TPTE: variants seen among roughly 807,000 people sequenced by gnomAD.
TPTE encodes putative tyrosine-protein phosphatase TPTE.
A neutral mutation model predicts 84.1 loss-of-function variants in TPTE; 59 were observed. The observed-to-expected ratio is 0.70, with a 90% CI of 0.57 to 0.87. The LOEUF is 0.87. Among genes scored for constraint, TPTE ranks in the 40% least tolerant of loss-of-function variants. TPTE has a pLI of 0.00. For missense variants in TPTE, 382 were observed against 659.6 expected, an observed-to-expected ratio of 0.58 and a Z score of 4.61; for synonymous variants, 130 against 223.5, an observed-to-expected ratio of 0.58 and a Z score of 3.73.
intron 8 of TPTE, among the ~76,000 whole-genome samples, chr21:10,553,000 A>T (rs1195570256): frequency 6.6e-6 from 1 of 152,298 alleles, no homozygotes; most frequent in Non-Finnish European, 1.5e-5. Flanking sequence ...TTAAAAAAAC[A>T]GGAATGCAGA....
intron 3 of TPTE, among the ~76,000 whole-genome samples, chr21:10,532,503 T>C (rs544232225): frequency 2.0e-5 from 3 of 152,422 alleles, no homozygotes; most frequent in East Asian, 1.9e-4. Context: ...CAGTGACTTA[T>C]GCTTACCTCC....
At chr21:10,561,800 T>C (rs1225904870) in intron 10 of TPTE, among the ~76,000 whole-genome samples, 2 of 152,310 alleles carry the variant, frequency 1.3e-5, no homozygotes, top group Non-Finnish European at 2.9e-5. Flanking sequence ...ACCTGTAGGC[T>C]AGGAGAACTT....
chr21:10,544,429 A>G (rs1230379325), intron 7 of TPTE, among the ~76,000 whole-genome samples: 1 of 152,310 alleles, frequency 6.6e-6, no homozygotes, highest in African/African-American at 2.4e-5. Flanking sequence ...CTGTTGCCCA[A>G]GCTGGCGTGC....
intron 17 of TPTE, among the ~76,000 whole-genome samples, chr21:10,582,641 TATTC>T (rs1487890504): frequency 6.6e-6 from 1 of 152,310 alleles, no homozygotes; most frequent in African/African-American, 2.4e-5. Flanking sequence ...TCTTTTCAAA[TATTC>T]ATTCCTGCAC....
intron 21 of TPTE, among the ~76,000 whole-genome samples, chr21:10,598,818 C>T (rs1170355039): frequency 1.3e-5 from 2 of 152,428 alleles, no homozygotes; most frequent in East Asian, 1.9e-4. Context: ...AGGCCTTTGT[C>T]TCAAATTCTC....
At position 10,569,668 on chromosome 21, in the gene TPTE, AT is replaced by A; in HGVS notation, c.667-11del. 2 of 1,614,016 alleles carry A rather than the reference AT, an allele frequency of 1.2e-6. No homozygotes were observed. The highest frequency in any genetic ancestry group is 1.7e-6 in the Non-Finnish European group (2 of 1,179,848). ...ATGAGTGTTTCACAAACTAATGACGATTTTAAACTGTCAGGTTTCAGAAAAC... is the reference window on the plus strand; with the variant it reads ...ATGAGTGTTTCACAAACTAATGACGATTTAAACTGTCAGGTTTCAGAAAAC... On this transcript the variant is annotated splice_polypyrimidine_tract_variant and intron_variant, in intron 12 of 23. Transcript: ENST00000618007.
At chr21:10,565,499 G>A (rs796388894) in intron 10 of TPTE, among the ~76,000 whole-genome samples, 2,714 of 151,164 alleles carry the variant, frequency 0.018, no homozygotes, top group African/African-American at 0.064. Flanking sequence ...AGAAATAGAA[G>A]AAACAATCTT....
At chr21:10,556,197 C>T (rs564685550) in intron 8 of TPTE, among the ~76,000 whole-genome samples, 6 of 152,422 alleles carry the variant, frequency 3.9e-5, no homozygotes, top group Non-Finnish European at 8.8e-5. Context: ...CCCCCATCCC[C>T]CCACCCCATG....
chr21:10,605,109 T>C (rs1480474026), intron 23 of TPTE, among the ~76,000 whole-genome samples: 17 of 152,260 alleles, frequency 1.1e-4, no homozygotes, highest in African/African-American at 3.9e-4. Flanking sequence ...CTTTCATTCA[T>C]GTCTATCCTG....
At chr21:10,568,586 C>T (rs1227742334) in intron 11 of TPTE, among the ~76,000 whole-genome samples, 33 of 152,352 alleles carry the variant, frequency 2.2e-4, no homozygotes, top group African/African-American at 7.9e-4. Context: ...CCCTAGCTTC[C>T]CTGGACTACA....
intron 1 of TPTE, among the ~76,000 whole-genome samples, chr21:10,522,885 T>A (rs1484369823): frequency 6.6e-6 from 1 of 152,310 alleles, no homozygotes; most frequent in Non-Finnish European, 1.5e-5. Context: ...ATATTCAAAA[T>A]CCTCTTTTCT....
At chr21:10,584,216 T>A (rs1442021182) in intron 17 of TPTE, among the ~76,000 whole-genome samples, 1 of 150,642 alleles carries the variant, frequency 6.6e-6, no homozygotes, top group Non-Finnish European at 1.5e-5. Context: ...ATTCTTAGAT[T>A]TTTTTTGTGG....
intron 17 of TPTE, among the ~76,000 whole-genome samples, chr21:10,583,120 T>A (rs2145747789): frequency 1.3e-5 from 2 of 152,406 alleles, no homozygotes; most frequent in African/African-American, 4.8e-5. Context: ...AAAATTGTTC[T>A]GTCTTAGGGT....
At chr21:10,574,070 A>T (rs1442387127) in intron 14 of TPTE, among the ~76,000 whole-genome samples, 5 of 152,306 alleles carry the variant, frequency 3.3e-5, no homozygotes, top group African/African-American at 1.2e-4. Context: ...GGATGCCATA[A>T]CCCAAAATGT....
chr21:10,596,394 G>T (rs1370703143), intron 20 of TPTE, among the ~76,000 whole-genome samples: 1 of 152,308 alleles, frequency 6.6e-6, no homozygotes, highest in Non-Finnish European at 1.5e-5. Flanking sequence ...GGCAGAGGGA[G>T]CCTCTGATGA....
At chr21:10,569,963 T>C (rs1408635470) in intron 13 of TPTE, among the ~76,000 whole-genome samples, 2 of 152,312 alleles carry the variant, frequency 1.3e-5, no homozygotes, top group African/African-American at 2.4e-5. Context: ...GCATAGGAAC[T>C]TGAATGGATT....
chr21:10,574,318 A>T, intron 14 of TPTE, among the ~76,000 whole-genome samples: 1 of 152,430 alleles, frequency 6.6e-6, no homozygotes, highest in Middle Eastern at 3.4e-3. Context: ...GTGTTAGCTC[A>T]GTTCTGAACA....
chr21:10,582,128 CT>C (rs1187042762), intron 17 of TPTE, among the ~76,000 whole-genome samples: 4 of 152,302 alleles, frequency 2.6e-5, no homozygotes, highest in African/African-American at 9.6e-5. Context: ...ATTCACCCCC[CT>C]ATACTGATGT....
chr21:10,531,522 A>G (rs1489057197), intron 3 of TPTE, among the ~76,000 whole-genome samples: 1 of 152,306 alleles, frequency 6.6e-6, no homozygotes, highest in African/African-American at 2.4e-5. Flanking sequence ...TAAATTACCC[A>G]GCCTCAGGTA....
Sources: gnomAD v4.1 joint callset for allele counts (sites outside exome capture counted in the v4.1 genomes callset) on GRCh38, gnomAD v4.1.1 for gene constraint, MANE v1.5 for transcripts, NCBI Gene and HGNC (gene_info 2026-07-23, HGNC 2026-07-21) for gene names.